ACTR3C: variants seen among roughly 807,000 people sequenced by gnomAD.
The protein encoded by ACTR3C is actin related protein 3C.
In ACTR3C, 18 loss-of-function variants were observed where a neutral mutation model predicts 26.3. That is an observed-to-expected ratio of 0.68 (90% confidence interval 0.47 to 1.01). The LOEUF is 1.01. Ranked by LOEUF, ACTR3C falls within the 50% of genes least tolerant of loss-of-function variation. The pLI is 0.00. For missense variants in ACTR3C, 184 were observed against 250.7 expected, an observed-to-expected ratio of 0.73 and a Z score of 1.80; for synonymous variants, 55 against 94.5, an observed-to-expected ratio of 0.58 and a Z score of 2.42.
At chr7:149,933,436 A>G in the ACTR3C span, among the ~76,000 whole-genome samples, 1 of 152,148 alleles carries the variant, frequency 6.6e-6, no homozygotes, top group East Asian at 1.9e-4. Context: ...AGGGCTAAAA[A>G]TATTTTTCAG....
chr7:150,099,475 C>T, the ACTR3C span, among the ~76,000 whole-genome samples: 1,006 of 147,064 alleles, frequency 6.8e-3, 4 homozygotes, highest in African/African-American at 0.025. Flanking sequence ...AGAATCTTGA[C>T]GGAGAGGAGC....
the ACTR3C span, among the ~76,000 whole-genome samples, chr7:150,174,119 C>A: frequency 2.0e-4 from 28 of 139,574 alleles, 3 homozygotes; most frequent in Non-Finnish European, 3.6e-4. Context: ...TTTCAGGTAT[C>A]TTTTCAGCAA....
the ACTR3C span, among the ~76,000 whole-genome samples, chr7:149,927,805 C>A: frequency 6.6e-6 from 1 of 152,018 alleles, no homozygotes; most frequent in African/African-American, 2.4e-5. Flanking sequence ...AAATAAAGAA[C>A]GATGTACAAT....
the ACTR3C span, among the ~76,000 whole-genome samples, chr7:150,045,812 A>T: frequency 6.6e-6 from 1 of 152,286 alleles, no homozygotes; most frequent in African/African-American, 2.4e-5. Flanking sequence ...TCTCCTAGCG[A>T]CACCTAGAGC....
the ACTR3C span, among the ~76,000 whole-genome samples, chr7:149,967,978 T>C: frequency 1.3e-5 from 2 of 152,198 alleles, no homozygotes; most frequent in Non-Finnish European, 2.9e-5. Flanking sequence ...CTGACAGTAC[T>C]CACCATTCCC....
the ACTR3C span, among the ~76,000 whole-genome samples, chr7:150,158,943 G>GT: frequency 7.0e-6 from 1 of 142,452 alleles, no homozygotes; most frequent in Non-Finnish European, 1.5e-5. Flanking sequence ...GCAGACACAC[G>GT]GGCACACACA....
chr7:149,989,858 A>G, the ACTR3C span, among the ~76,000 whole-genome samples: 23 of 152,174 alleles, frequency 1.5e-4, no homozygotes, highest in South Asian at 4.2e-3. Flanking sequence ...GAACCTCCAC[A>G]CTATTTTCCA....
the ACTR3C span, among the ~76,000 whole-genome samples, chr7:150,026,664 T>G: frequency 1.3e-5 from 2 of 152,052 alleles, no homozygotes; most frequent in South Asian, 4.1e-4. Flanking sequence ...GAGGGCTGTC[T>G]TTGTTTATAG....
At chr7:149,996,710 C>T in the ACTR3C span, among the ~76,000 whole-genome samples, 1 of 149,216 alleles carries the variant, frequency 6.7e-6, no homozygotes, top group African/African-American at 2.5e-5. Flanking sequence ...TATCCAATGG[C>T]ATCTTAAACT....
At chr7:150,266,821 C>G (rs1834076373) in intron 6 of ACTR3C, among the ~76,000 whole-genome samples, 1 of 152,180 alleles carries the variant, frequency 6.6e-6, no homozygotes, top group Non-Finnish European at 1.5e-5. Flanking sequence ...CAGGAAAAGA[C>G]AGTCAACAAT....
chr7:150,069,507 A>G, the ACTR3C span, among the ~76,000 whole-genome samples: 6 of 152,224 alleles, frequency 3.9e-5, no homozygotes, highest in African/African-American at 1.4e-4. Flanking sequence ...TCATTGTGTT[A>G]GTGGTGGCTT....
the ACTR3C span, among the ~76,000 whole-genome samples, chr7:149,939,859 A>G: frequency 2.5e-4 from 37 of 147,454 alleles, no homozygotes; most frequent in South Asian, 7.8e-3. Flanking sequence ...CATTTGAAAG[A>G]ACCTCACACA....
the ACTR3C span, among the ~76,000 whole-genome samples, chr7:149,922,182 G>A: frequency 7.2e-6 from 1 of 138,426 alleles, no homozygotes; most frequent in Non-Finnish European, 1.6e-5. Flanking sequence ...CTGAACTTGG[G>A]TATACTTTCC....
chr7:150,109,419 T>A, the ACTR3C span, among the ~76,000 whole-genome samples: 75 of 152,048 alleles, frequency 4.9e-4, 1 homozygote, highest in Middle Eastern at 6.8e-3. Flanking sequence ...TATTTTTTTT[T>A]AAATATTTGA....
At chr7:150,011,368 C>G in the ACTR3C span, among the ~76,000 whole-genome samples, 1 of 151,954 alleles carries the variant, frequency 6.6e-6, no homozygotes. Flanking sequence ...AGGCAGATCA[C>G]GAGGTCAGGA....
the ACTR3C span, among the ~76,000 whole-genome samples, chr7:150,215,011 A>C: frequency 0.18 from 26,258 of 142,888 alleles, 3,919 homozygotes; most frequent in African/African-American, 0.4. Context: ...TAGTATTTCA[A>C]ACACACAAAA....
the ACTR3C span, among the ~76,000 whole-genome samples, chr7:149,940,730 G>C: frequency 7.3e-6 from 1 of 137,796 alleles, no homozygotes; most frequent in African/African-American, 2.5e-5. Flanking sequence ...TAGGATTGGT[G>C]CCTATCTGGC....
At chr7:150,141,942 A>AATGGGCTT in the ACTR3C span, among the ~76,000 whole-genome samples, 1 of 152,064 alleles carries the variant, frequency 6.6e-6, no homozygotes, top group Non-Finnish European at 1.5e-5. Context: ...GAGAAATAGC[A>AATGGGCTT]ATGGGCTTTC....
At chr7:150,080,516 T>TG in the ACTR3C span, among the ~76,000 whole-genome samples, 34 of 130,236 alleles carry the variant, frequency 2.6e-4, no homozygotes, top group South Asian at 7.8e-4. Context: ...TGTATGAGTG[T>TG]TTGTGTGTGT....
Sources: gnomAD v4.1 joint callset for allele counts (sites outside exome capture counted in the v4.1 genomes callset) on GRCh38, gnomAD v4.1.1 for gene constraint, MANE v1.5 for transcripts, NCBI Gene and HGNC (gene_info 2026-07-23, HGNC 2026-07-21) for gene names.